The following SGMS1 variants were observed in gnomAD, a reference collection of about 807,000 sequenced individuals.
The protein encoded by SGMS1 is phosphatidylcholine:ceramide cholinephosphotransferase 1.
SGMS1 carries 13 observed loss-of-function variants against 46.2 expected under a neutral mutation model. That is an observed-to-expected ratio of 0.28 (90% CI 0.18 to 0.45). The LOEUF (loss-of-function observed/expected upper bound fraction) is 0.45. SGMS1 is among the 20% of genes least tolerant of loss of function. The pLI, the probability that SGMS1 is intolerant of heterozygous loss-of-function variation, is 1.00. For missense variants in SGMS1, 324 were observed against 519.9 expected (o/e 0.62, Z 3.66); for synonymous variants, 203 against 187.8 (o/e 1.08, Z -0.66).
At position 50,365,448 on chromosome 10, in the gene SGMS1, G is replaced by C. The variant is rs543453846; in HGVS notation, c.-231-21103C>G. 2.6e-5 allele frequency among the ~76,000 whole-genome samples: 4 copies of C among 151,926 alleles called. No homozygotes were observed. In the East Asian group the frequency reaches 7.7e-4, roughly 29 times the overall value. ...AATTTTATTTTACTTTAAGTTACAAGATACACGTGCAGAGCATGCAGGTTT... is the reference window on the plus strand; with the variant it reads ...AATTTTATTTTACTTTAAGTTACAACATACACGTGCAGAGCATGCAGGTTT... On this transcript the variant is annotated intron_variant, in intron 6 of 10. Coordinates refer to ENST00000361781, the MANE Select transcript of SGMS1 (RefSeq NM_147156.4).
intron 3 of SGMS1, among the ~76,000 whole-genome samples, chr10:50,500,557 C>G (rs764950362): frequency 8.2e-4 from 124 of 152,106 alleles, no homozygotes; most frequent in Non-Finnish European, 1.4e-3. Flanking sequence ...TAAGCACTTA[C>G]ATTGACACCT....
intron 7 of SGMS1, among the ~76,000 whole-genome samples, chr10:50,332,489 A>G (rs1847641648): frequency 6.6e-6 from 1 of 152,072 alleles, no homozygotes; most frequent in African/African-American, 2.4e-5. Context: ...AACTAACTCC[A>G]AAGAAATTCT....
intron 2 of SGMS1, among the ~76,000 whole-genome samples, chr10:50,570,068 C>T (rs1473463650): frequency 1.3e-5 from 2 of 152,194 alleles, no homozygotes; most frequent in African/African-American, 4.8e-5. Context: ...ACTGTGGACC[C>T]TCCAAGGAAA....
At chr10:50,507,184 G>C (rs972248699) in intron 3 of SGMS1, among the ~76,000 whole-genome samples, 7 of 152,154 alleles carry the variant, frequency 4.6e-5, no homozygotes, top group Non-Finnish European at 1.0e-4. Flanking sequence ...TCCTCACAGA[G>C]GGTCCCTAAA....
intron 3 of SGMS1, among the ~76,000 whole-genome samples, chr10:50,510,791 C>A (rs1238455306): frequency 1.3e-5 from 2 of 151,966 alleles, no homozygotes; most frequent in African/African-American, 4.8e-5. Flanking sequence ...AAACTACAGC[C>A]CACGTTCAGA....
At chr10:50,395,168 A>C (rs550668975) in intron 6 of SGMS1, among the ~76,000 whole-genome samples, 1 of 152,244 alleles carries the variant, frequency 6.6e-6, no homozygotes, top group Admixed American at 6.5e-5. Flanking sequence ...ACACCTCCCC[A>C]AGAAAAAAAA....
Position 50,472,772 on chromosome 10 carries a change from A to G in SGMS1, c.-497-5840T>C, listed in dbSNP as rs375202039. On this transcript the variant is annotated intron_variant, in intron 3 of 10. Coordinates refer to ENST00000361781, the MANE Select transcript of SGMS1 (RefSeq NM_147156.4). The stretch of plus-strand genomic sequence containing the variant: ...CCATACTGGTTTCCATGATGATTGT[A>G]TTAATTTTCATTCCCACCAAAAGTG... The G allele has an allele frequency of 5.3e-5, 8 of 152,292 alleles. 1 individual carries two copies. The highest frequency in any genetic ancestry group is 1.7e-4 in the African/African-American group (7 of 41,576). The allele number at this position is 152,292 out of a possible 1,614,324, so 9.4% of individuals were successfully genotyped here.
At chr10:50,388,252 T>C (rs530966269) in intron 6 of SGMS1, among the ~76,000 whole-genome samples, 14 of 152,272 alleles carry the variant, frequency 9.2e-5, no homozygotes, top group African/African-American at 3.4e-4. Flanking sequence ...TTTCATGCCA[T>C]TTGAATTTTG....
chr10:50,478,016 T>C (rs1164233115), intron 3 of SGMS1, among the ~76,000 whole-genome samples: 1 of 152,206 alleles, frequency 6.6e-6, no homozygotes, highest in Non-Finnish European at 1.5e-5. Context: ...AATGAACAAA[T>C]GGCAATGACA....
intron 3 of SGMS1, among the ~76,000 whole-genome samples, chr10:50,492,250 A>T (rs1426820077): frequency 6.6e-6 from 1 of 152,220 alleles, no homozygotes; most frequent in Non-Finnish European, 1.5e-5. Context: ...CTTCTTGAAA[A>T]CTGCCACAAG....
At chr10:50,319,346 T>C (rs1375354879) in intron 8 of SGMS1, among the ~76,000 whole-genome samples, 2 of 152,128 alleles carry the variant, frequency 1.3e-5, no homozygotes, top group Non-Finnish European at 2.9e-5. Flanking sequence ...TCGAATAAAT[T>C]AAAACACCTC....
chr10:50,444,074 AG>A (rs912837127), intron 5 of SGMS1, among the ~76,000 whole-genome samples: 1 of 152,182 alleles, frequency 6.6e-6, no homozygotes, highest in Non-Finnish European at 1.5e-5. Context: ...ATTTTTTAAA[AG>A]TCTAAAGGAT....
intron 6 of SGMS1, among the ~76,000 whole-genome samples, chr10:50,402,820 T>G (rs1203963076): frequency 6.6e-6 from 1 of 152,096 alleles, no homozygotes; most frequent in African/African-American, 2.4e-5. Flanking sequence ...TCTGGGATAT[T>G]AGCGTACCTG....
At chr10:50,430,281 T>C (rs1039721680) in intron 6 of SGMS1, among the ~76,000 whole-genome samples, 4 of 152,108 alleles carry the variant, frequency 2.6e-5, no homozygotes, top group African/African-American at 9.7e-5. Flanking sequence ...CATTATAGAC[T>C]ACGTACACAT....
At chr10:50,619,671 A>G (rs1838830709) in intron 1 of SGMS1, among the ~76,000 whole-genome samples, 1 of 152,178 alleles carries the variant, frequency 6.6e-6, no homozygotes, top group Non-Finnish European at 1.5e-5. Context: ...AAGGTAAATC[A>G]CCCAAATTAT....
intron 2 of SGMS1, among the ~76,000 whole-genome samples, chr10:50,581,182 G>C (rs570868645): frequency 6.6e-6 from 1 of 152,190 alleles, no homozygotes; most frequent in Admixed American, 6.5e-5. Context: ...TGTAAGGAGC[G>C]GGGAGTTATG....
At chr10:50,394,985 C>CT (rs1848825668) in intron 6 of SGMS1, among the ~76,000 whole-genome samples, 1 of 152,148 alleles carries the variant, frequency 6.6e-6, no homozygotes, top group African/African-American at 2.4e-5. Context: ...CTGCCCACTC[C>CT]TTTTTGCTTT....
upstream of SGMS1, chr10:50,624,083 C>G (rs1838887631): frequency 2.0e-6 from 2 of 985,056 alleles, no homozygotes; most frequent in East Asian, 1.1e-4. Flanking sequence ...GGGCTCCTCC[C>G]GGGACCGAGC....
At chr10:50,529,517 GAAACTTAATAGTCAGA>G (rs1276428553) in intron 2 of SGMS1, among the ~76,000 whole-genome samples, 1 of 152,138 alleles carries the variant, frequency 6.6e-6, no homozygotes, top group Non-Finnish European at 1.5e-5. Flanking sequence ...ACTGCTCTTT[GAAACTTAATAGTCAGA>G]AAACGTGGAA....
Sources: gnomAD v4.1 joint callset for allele counts (sites outside exome capture counted in the v4.1 genomes callset) on GRCh38, gnomAD v4.1.1 for gene constraint, MANE v1.5 for transcripts, NCBI Gene and HGNC (gene_info 2026-07-23, HGNC 2026-07-21) for gene names.